Variants in NKAIN2 observed in about 807,000 individuals in gnomAD.
NKAIN2 encodes sodium/potassium-transporting ATPase subunit beta-1-interacting protein 2.
Under a neutral mutation model 32.6 loss-of-function variants are expected in NKAIN2, and 14 were observed. That is an observed-to-expected ratio of 0.43 (90% CI 0.28 to 0.67). NKAIN2 has a LOEUF of 0.67. NKAIN2 is among the 30% of genes least tolerant of loss of function. The pLI is 0.17. For synonymous variants in NKAIN2, 80 were observed against 87.2 expected (o/e 0.92, Z 0.46); for missense variants, 198 against 258.3 (o/e 0.77, Z 1.60).
At chr6:124,185,781 T>G (rs1297123165) in intron 1 of NKAIN2, among the ~76,000 whole-genome samples, 1 of 152,092 alleles carries the variant, frequency 6.6e-6, no homozygotes, top group African/African-American at 2.4e-5. Context: ...TTGACTCTCC[T>G]TTTTGGAATT....
At chr6:124,187,943 AAC>A (rs1340242077) in intron 1 of NKAIN2, among the ~76,000 whole-genome samples, 1 of 152,150 alleles carries the variant, frequency 6.6e-6, no homozygotes, top group East Asian at 1.9e-4. Context: ...TTTGATCTGA[AAC>A]ACTCTCAAAA....
rs151264865 is a variant in NKAIN2 at position 124,078,397 on chromosome 6, T to A, written c.55-204608T>A. On this transcript the variant is annotated intron_variant, in intron 1 of 6. Coordinates refer to ENST00000368417, the MANE Select transcript of NKAIN2 (RefSeq NM_001040214.3). ...GCCAACTTTGTACTAGGCACTGCTG[T>A]TAACATTTTACAAATATTAACCCAT... is the stretch of plus-strand genomic sequence containing the variant. 2.9e-3 allele frequency among the ~76,000 whole-genome samples: 444 copies of A among 152,156 alleles called. 2 individuals are homozygous for A. The highest frequency in any genetic ancestry group is 6.8e-3 in the Middle Eastern group (2 of 294).
At chr6:124,473,676 C>A (rs970054544) in intron 3 of NKAIN2, among the ~76,000 whole-genome samples, 1 of 152,094 alleles carries the variant, frequency 6.6e-6, no homozygotes, top group Non-Finnish European at 1.5e-5. Context: ...CTATATGCTC[C>A]ATTGCTAAGG....
chr6:123,941,811 A>G (rs1315857863), intron 1 of NKAIN2, among the ~76,000 whole-genome samples: 2 of 151,860 alleles, frequency 1.3e-5, no homozygotes, highest in East Asian at 3.9e-4. Context: ...TATGGCGTCA[A>G]TTCTTCCCTT....
chr6:123,893,828 G>C (rs1388165817), intron 1 of NKAIN2, among the ~76,000 whole-genome samples: 1 of 152,168 alleles, frequency 6.6e-6, no homozygotes, highest in African/African-American at 2.4e-5. Flanking sequence ...ATTATTCCAG[G>C]GGGAGGAGGC....
At chr6:124,570,467 C>T (rs674137) in intron 3 of NKAIN2, among the ~76,000 whole-genome samples, 141,565 of 152,148 alleles carry the variant, frequency 0.93, 66,251 homozygotes, top group East Asian at 1. Flanking sequence ...TGGGTCCCTG[C>T]GCTGTGTGCA....
At chr6:124,697,838 A>G (rs1774576213) in intron 4 of NKAIN2, among the ~76,000 whole-genome samples, 1 of 152,156 alleles carries the variant, frequency 6.6e-6, no homozygotes, top group Non-Finnish European at 1.5e-5. Context: ...CCTGCCGCTA[A>G]AACTCCTATA....
At chr6:124,229,774 G>C (rs748726741) in intron 1 of NKAIN2, among the ~76,000 whole-genome samples, 1 of 152,098 alleles carries the variant, frequency 6.6e-6, no homozygotes, top group Non-Finnish European at 1.5e-5. Context: ...TGTAAAACTT[G>C]ACTTGCTCCT....
At chr6:124,797,200 G>GACTTCTCAATTTTTATT (rs1163334006) in intron 5 of NKAIN2, among the ~76,000 whole-genome samples, 1 of 143,598 alleles carries the variant, frequency 7.0e-6, no homozygotes, top group African/African-American at 2.6e-5. Flanking sequence ...AAATCATCAT[G>GACTTCTCAATTTTTATT]ACTTCTCAAT....
intron 2 of NKAIN2, among the ~76,000 whole-genome samples, chr6:124,309,044 A>G (rs1363628655): frequency 6.6e-6 from 1 of 152,110 alleles, no homozygotes; most frequent in African/African-American, 2.4e-5. Flanking sequence ...ATTCTATTTT[A>G]CCTTTGAAAT....
chr6:124,398,815 TTTTAAG>T (rs1326797505), intron 3 of NKAIN2, among the ~76,000 whole-genome samples: 2 of 152,168 alleles, frequency 1.3e-5, no homozygotes, highest in African/African-American at 4.8e-5. Context: ...GCAATGAGCT[TTTTAAG>T]TTTGAGACTA....
chr6:123,884,863 G>A (rs745606953), intron 1 of NKAIN2, among the ~76,000 whole-genome samples: 34 of 151,994 alleles, frequency 2.2e-4, no homozygotes, highest in Non-Finnish European at 4.3e-4. Context: ...ATTATACCTC[G>A]ATCATTTCAG....
intron 1 of NKAIN2, among the ~76,000 whole-genome samples, chr6:124,086,200 A>G (rs896022699): frequency 1.3e-5 from 2 of 152,078 alleles, no homozygotes; most frequent in African/African-American, 4.8e-5. Context: ...TCCAGCTCCC[A>G]ACTCATATAA....
At chr6:124,610,330 T>A (rs915154260) in intron 3 of NKAIN2, among the ~76,000 whole-genome samples, 2 of 152,228 alleles carry the variant, frequency 1.3e-5, no homozygotes, top group Non-Finnish European at 1.5e-5. Context: ...AGTCAAAATA[T>A]GTCAATTTCC....
At chr6:124,295,674 G>A (rs1446245377) in intron 2 of NKAIN2, among the ~76,000 whole-genome samples, 1 of 152,182 alleles carries the variant, frequency 6.6e-6, no homozygotes, top group South Asian at 2.1e-4. Flanking sequence ...TGATGCATTA[G>A]GGTTGAAAGT....
At chr6:124,036,168 G>A (rs985242182) in intron 1 of NKAIN2, among the ~76,000 whole-genome samples, 10 of 152,036 alleles carry the variant, frequency 6.6e-5, no homozygotes, top group Admixed American at 3.3e-4. Context: ...TGTCTGGCAG[G>A]CAGGACTTTT....
intron 1 of NKAIN2, among the ~76,000 whole-genome samples, chr6:123,847,512 G>T (rs1346792695): frequency 1.3e-5 from 2 of 152,208 alleles, no homozygotes; most frequent in East Asian, 3.9e-4. Flanking sequence ...AGAAGAAATG[G>T]AAGATGGATG....
chr6:124,818,295 C>A, intron 5 of NKAIN2, 92 bp from the exon 6 acceptor site: 1 of 539,396 alleles, frequency 1.9e-6, no homozygotes, highest in Non-Finnish European at 3.4e-6. Flanking sequence ...TAGATTATTA[C>A]TAATAAAAGG....
intron 5 of NKAIN2, among the ~76,000 whole-genome samples, chr6:124,797,692 C>T (rs1780063086): frequency 6.6e-6 from 1 of 152,178 alleles, no homozygotes; most frequent in South Asian, 2.1e-4. Flanking sequence ...CTGGCCTACA[C>T]TTCTGTGTAT....
Sources: gnomAD v4.1 joint callset for allele counts (sites outside exome capture counted in the v4.1 genomes callset) on GRCh38, gnomAD v4.1.1 for gene constraint, MANE v1.5 for transcripts, NCBI Gene and HGNC (gene_info 2026-07-23, HGNC 2026-07-21) for gene names.